Variants in MTHFD1L observed in about 807,000 individuals in gnomAD.
MTHFD1L encodes the protein methylenetetrahydrofolate dehydrogenase (NADP+ dependent) 1 like.
A neutral mutation model predicts 119.5 loss-of-function variants in MTHFD1L; 81 were observed. The ratio of observed to expected loss-of-function variants is 0.68; its 90% CI spans 0.57 to 0.82. The LOEUF is 0.82. MTHFD1L is among the 40% of genes least tolerant of loss of function. MTHFD1L has a pLI of 0.00. For missense variants in MTHFD1L, 1,125 were observed against 1,253.4 expected, an observed-to-expected ratio of 0.90 and a Z score of 1.55; for synonymous variants, 430 against 475.2, an observed-to-expected ratio of 0.90 and a Z score of 1.24.
rs759942915 is a variant in MTHFD1L, at chr6:150,945,551, C to T, written c.1623+10C>T. The T allele has an allele frequency of 6.2e-7, 1 of 1,610,612 alleles. No individual in the cohort carries two copies. Among genetic ancestry groups the T allele is most frequent in the African/African-American group, 1.3e-5 (1 of 74,782 alleles). ...GCTTGCTCGGCTAAAAGTAAGTTTC[C>T]AGTTAGCAATTCTTTAAAAAGAAAA... On this transcript the variant is annotated intron_variant, in intron 15 of 27. Transcript: ENST00000367321.
intron 7 of MTHFD1L, among the ~76,000 whole-genome samples, chr6:150,891,527 A>G (rs1167346930): frequency 4.1e-5 from 6 of 147,970 alleles, no homozygotes; most frequent in African/African-American, 1.2e-4. Context: ...AGGATTATAT[A>G]TAATATATAT....
At chr6:150,884,578 T>C (rs1781913939) in intron 5 of MTHFD1L, among the ~76,000 whole-genome samples, 3 of 152,164 alleles carry the variant, frequency 2.0e-5, no homozygotes, top group Non-Finnish European at 2.9e-5. Flanking sequence ...TCCTAGGGCA[T>C]AGTTTCAAGT....
chr6:150,875,969 C>T (rs1378658623), intron 1 of MTHFD1L, 121 bp from the exon 2 acceptor site: 21 of 759,486 alleles, frequency 2.8e-5, no homozygotes, highest in Admixed American at 1.9e-4. Flanking sequence ...ACTTGGAGTG[C>T]GTCCTTCTGT....
chr6:150,975,062 G>T (rs1213894168), intron 20 of MTHFD1L, among the ~76,000 whole-genome samples: 1 of 152,098 alleles, frequency 6.6e-6, no homozygotes, highest in East Asian at 1.9e-4. Context: ...TTTTAAGGCG[G>T]AATAATATTC....
At chr6:150,899,348 G>C (rs1784755993) in intron 7 of MTHFD1L, among the ~76,000 whole-genome samples, 1 of 152,146 alleles carries the variant, frequency 6.6e-6, no homozygotes, top group Non-Finnish European at 1.5e-5. Context: ...ACTAATCACA[G>C]ATGAGAGTAG....
chr6:150,984,568 A>AG lies in MTHFD1L; in HGVS notation c.2125+12513dup, dbSNP rs200447167. ...ATCCTAAACACAGGAACCAAAAACA[A>AG]GGGAAAAAAAAAAAAAAAGGAAGAT... On this transcript the variant is annotated intron_variant, in intron 20 of 27. Transcript: ENST00000367321. Among the ~76,000 whole-genome samples the AG allele has an allele frequency of 7.0e-3, 998 of 142,864 alleles. 14 individuals are homozygous for AG. Among genetic ancestry groups the AG allele is most frequent in the African/African-American group, 0.024 (929 of 38,350 alleles). The allele number at this position is 142,864 out of a possible 152,430, so 93.7% of individuals were successfully genotyped here.
intron 10 of MTHFD1L, among the ~76,000 whole-genome samples, chr6:150,923,533 A>ATTTATTTATTTT (rs1411950846): frequency 4.0e-5 from 4 of 100,720 alleles, no homozygotes; most frequent in African/African-American, 2.0e-4. Flanking sequence ...TTATTTATTT[A>ATTTATTTATTTT]TTTATTTTTT....
At chr6:150,978,393 G>T (rs6912960) in intron 20 of MTHFD1L, among the ~76,000 whole-genome samples, 29,729 of 152,132 alleles carry the variant, frequency 0.2, 2,995 homozygotes, top group Middle Eastern at 0.3. Context: ...CTACCTAATT[G>T]ATTGCAACTC....
At position 150,917,766 on chromosome 6, in the gene MTHFD1L, T is replaced by C. The variant is rs1227176436; in HGVS notation, c.893-811T>C. ...TTAATTAACAGGCCCAACATCACAA[T>C]TTCTAGCAAGAGGAAGAGGTATGCT... On this transcript the variant is annotated intron_variant, in intron 8 of 27. Transcript: ENST00000367321. 3.9e-5 allele frequency among the ~76,000 whole-genome samples: 6 copies of C among 152,324 alleles called. No individual in the cohort carries two copies. In the East Asian group the frequency reaches 1.2e-3, roughly 29 times the overall value.
At chr6:150,979,574 C>T (rs1777127592) in intron 20 of MTHFD1L, among the ~76,000 whole-genome samples, 1 of 152,132 alleles carries the variant, frequency 6.6e-6, no homozygotes, top group Non-Finnish European at 1.5e-5. Context: ...GATCTTGGCT[C>T]ACTGCAACCT....
intron 11 of MTHFD1L, chr6:150,935,230 A>G (rs1791851735): frequency 6.2e-7 from 1 of 1,611,948 alleles, no homozygotes; most frequent in Non-Finnish European, 8.5e-7. Flanking sequence ...TGTGGAAGTC[A>G]TATACCAGAT....
chr6:150,934,976 T>C lies in MTHFD1L; in HGVS notation c.1257-1828T>C, dbSNP rs370153965. 1,309 of 1,539,228 alleles carry C rather than the reference T, an allele frequency of 8.5e-4. 22 individuals are homozygous for C. In the South Asian group the frequency reaches 0.016, roughly 18 times the overall value. On this transcript the variant is annotated intron_variant, in intron 11 of 27. Transcript: ENST00000367321. ...TTTATTTGCACCTGGAAATGGGGAA[T>C]GGGCTATCAGACCAGACTTCTATCC...
chr6:150,913,810 A>T (rs1033062106), intron 8 of MTHFD1L, among the ~76,000 whole-genome samples: 18 of 152,002 alleles, frequency 1.2e-4, no homozygotes, highest in African/African-American at 4.3e-4. Context: ...CCTGGGCAAC[A>T]TAGTGAAACT....
At chr6:150,918,010 G>T in intron 8 of MTHFD1L, among the ~76,000 whole-genome samples, 1 of 150,694 alleles carries the variant, frequency 6.6e-6, no homozygotes, top group Non-Finnish European at 1.5e-5. Flanking sequence ...AGCACATGAT[G>T]TGCTTCATTA....
rs752182571 is a variant in MTHFD1L, at chr6:151,039,517, T to C, written c.2847+2400T>C. On this transcript the variant is annotated intron_variant, in intron 26 of 27. Coordinates refer to ENST00000367321, the MANE Select transcript of MTHFD1L (RefSeq NM_015440.5). This position sits in a 1 kb window ranked among gnomAD's most constrained non-coding sequence, Gnocchi z 4.4. ...AATCCTCCCACCTCAGCTTCCCAAGTAGCTGTGACTACAGGCTCATGCCAC... is the reference window on the plus strand; with the variant it reads ...AATCCTCCCACCTCAGCTTCCCAAGCAGCTGTGACTACAGGCTCATGCCAC... Among the ~76,000 whole-genome samples the C allele has an allele frequency of 3.0e-4, 46 of 152,192 alleles. No homozygotes were observed. The highest frequency in any genetic ancestry group is 5.3e-4 in the Non-Finnish European group (36 of 68,038).
chr6:150,933,471 T>C (rs1183159417), intron 11 of MTHFD1L, among the ~76,000 whole-genome samples: 1 of 152,074 alleles, frequency 6.6e-6, no homozygotes, highest in African/African-American at 2.4e-5. Flanking sequence ...TATCTTTGTA[T>C]AACTTTCAGT....
chr6:151,011,214 G>A (rs1712737786), intron 21 of MTHFD1L, among the ~76,000 whole-genome samples: 1 of 152,162 alleles, frequency 6.6e-6, no homozygotes, highest in Admixed American at 6.5e-5. Context: ...ATATAATACA[G>A]ATTAAAAGTA....
intron 7 of MTHFD1L, among the ~76,000 whole-genome samples, 191 bp downstream of exon 7, chr6:150,888,172 C>A (rs1782632165): frequency 6.6e-6 from 1 of 152,186 alleles, no homozygotes; most frequent in Admixed American, 6.5e-5. Flanking sequence ...GGTGGTTTTA[C>A]AAATGAGCTC....
intron 26 of MTHFD1L, among the ~76,000 whole-genome samples, chr6:151,081,751 G>C (rs563842530): frequency 6.6e-6 from 1 of 152,188 alleles, no homozygotes; most frequent in Admixed American, 6.5e-5. Context: ...GGTCGGAGGG[G>C]CAAGGGTCTA....
Sources: gnomAD v4.1 joint callset for allele counts (sites outside exome capture counted in the v4.1 genomes callset) on GRCh38, gnomAD v4.1.1 for gene constraint, Gnocchi (gnomAD v3.1) non-coding constraint, MANE v1.5 for transcripts, NCBI Gene and HGNC (gene_info 2026-07-23, HGNC 2026-07-21) for gene names.